OSGIN2: variants seen among roughly 807,000 people sequenced by gnomAD.
OSGIN2 encodes the protein oxidative stress induced growth inhibitor family member 2.
OSGIN2 carries 19 observed loss-of-function variants against 53.8 expected under a neutral mutation model. That is an observed-to-expected ratio of 0.35 (90% CI 0.25 to 0.52). The LOEUF (loss-of-function observed/expected upper bound fraction) is 0.52. Ranked by LOEUF, OSGIN2 falls within the 20% of genes least tolerant of loss-of-function variation. The pLI, the probability that OSGIN2 is intolerant of heterozygous loss-of-function variation, is 0.95. For missense variants in OSGIN2, 520 were observed against 662.7 expected (o/e 0.78, Z 2.36); for synonymous variants, 236 against 236.0 (o/e 1.00, Z 0.00).
At chr8:89,908,930 G>C (rs988597435) in intron 1 of OSGIN2, among the ~76,000 whole-genome samples, 1 of 146,150 alleles carries the variant, frequency 6.8e-6, no homozygotes, top group Admixed American at 6.9e-5. Context: ...AGGATGACAT[G>C]AGCCCGGGAG....
chr8:89,906,738 T>C (rs763689936), intron 1 of OSGIN2, among the ~76,000 whole-genome samples: 3 of 152,190 alleles, frequency 2.0e-5, no homozygotes, highest in Non-Finnish European at 4.4e-5. Flanking sequence ...CTGCAGTGAA[T>C]GTACACGTGC....
chr8:89,925,197 C>A lies in OSGIN2; in HGVS notation c.1315C>A (p.Gln439Lys). The A allele has an allele frequency of 6.2e-7, 1 of 1,614,080 alleles. No homozygotes were observed. The highest frequency in any genetic ancestry group is 8.5e-7 in the Non-Finnish European group (1 of 1,179,996). ...SFKSDMKCVL[Q>K]SVSGLKKIFK... ...TAAGTCGGACATGAAATGTGTTCTC[C>A]AAAGCGTTTCTGGATTGAAGAAAAT... is the stretch of plus-strand genomic sequence containing the variant. Residue 439 changes from glutamine to lysine, a missense_variant, in exon 6 of 6, where the codon CAA becomes AAA. Gln to Lys is a moderately conservative substitution (Grantham distance 53, BLOSUM62 1). This residue lies in a region of OSGIN2 where 239 missense variants were observed against 328.3 expected (regional missense o/e 0.73). Coordinates refer to ENST00000451899, the MANE Select transcript of OSGIN2 (RefSeq NM_001126111.3).
Position 89,909,547 on chromosome 8 carries a change from C to A in OSGIN2, c.45-20C>A. 7.7e-7 allele frequency: 1 copy of A among 1,290,902 alleles called. No individual in the cohort carries two copies. The highest frequency in any genetic ancestry group is 1.1e-6 in the Non-Finnish European group (1 of 950,620). 80.0% of individuals were successfully genotyped at this position (1,290,902 alleles called of 1,614,324 possible). On this transcript the variant is annotated intron_variant, in intron 1 of 5. Coordinates refer to ENST00000451899, the MANE Select transcript of OSGIN2 (RefSeq NM_001126111.3). Reference sequence around the variant, plus strand: ...ATATTGACTATATCTCTTTTTATTCCCCCTTTTTTTTTTTTAAAGAAACTA... The same window carrying A: ...ATATTGACTATATCTCTTTTTATTCACCCTTTTTTTTTTTTAAAGAAACTA...
rs555567407 is a variant in OSGIN2, at chr8:89,927,869, T to C, written c.*2337T>C. On this transcript the variant is annotated 3_prime_UTR_variant, in exon 6 of 6. Coordinates refer to ENST00000451899, the MANE Select transcript of OSGIN2 (RefSeq NM_001126111.3). ...TTTCTAAATAAATTCAACTATTAAATAAATGCAAGTTCCACTAAATCTTAG... is the reference window on the plus strand; with the variant it reads ...TTTCTAAATAAATTCAACTATTAAACAAATGCAAGTTCCACTAAATCTTAG... 1 of 152,182 alleles carries C rather than the reference T, an allele frequency of 6.6e-6. No homozygotes were observed. Among genetic ancestry groups the C allele is most frequent in the Non-Finnish European group, 1.5e-5 (1 of 68,012 alleles). 9.4% of individuals were successfully genotyped at this position (152,182 alleles called of 1,614,324 possible).
rs772162941 is a variant in OSGIN2, at chr8:89,924,707, C to T, written c.825C>T (p.Ile275=). The T allele has an allele frequency of 1.8e-5, 29 of 1,613,932 alleles. No individual in the cohort carries two copies. The highest frequency in any genetic ancestry group is 2.3e-5 in the Non-Finnish European group (27 of 1,179,914). Residue 275 remains isoleucine, a synonymous_variant, in exon 6 of 6, where the codon ATC becomes ATT. Transcript: ENST00000451899. ...KHLQIEKSNF[I]KRNWEIRGYQ... ...TACAGATAGAGAAGTCAAACTTTAT[C>T]AAGAGAAACTGGGAAATTAGGGGTT...
At chr8:89,911,431 A>C (rs1048614858) in intron 2 of OSGIN2, among the ~76,000 whole-genome samples, 11 of 152,028 alleles carry the variant, frequency 7.2e-5, no homozygotes, top group African/African-American at 2.4e-4. Context: ...GGAGTTCGAG[A>C]CCAGCCTGGC....
At chr8:89,922,471 A>G (rs866214323) in intron 5 of OSGIN2, among the ~76,000 whole-genome samples, 1 of 152,202 alleles carries the variant, frequency 6.6e-6, no homozygotes, top group South Asian at 2.1e-4. Flanking sequence ...AGAAAGAGAA[A>G]GCTTTATGAT....
At chr8:89,908,418 T>C (rs1400891936) in intron 1 of OSGIN2, among the ~76,000 whole-genome samples, 3 of 152,176 alleles carry the variant, frequency 2.0e-5, no homozygotes, top group African/African-American at 7.2e-5. Context: ...CTGGGAACTC[T>C]GAAGGTTATA....
At position 89,927,602 on chromosome 8, in the gene OSGIN2, C is replaced by G. The variant is rs1038257555; in HGVS notation, c.*2070C>G. The G allele has an allele frequency of 6.6e-6, 1 of 152,168 alleles. No individual in the cohort carries two copies. The highest frequency in any genetic ancestry group is 1.5e-5 in the Non-Finnish European group (1 of 68,030). 9.4% of individuals were successfully genotyped at this position (152,168 alleles called of 1,614,324 possible). A position where few individuals can be genotyped will look rare whatever the true frequency, so the allele number is the denominator to read the frequency against. On this transcript the variant is annotated 3_prime_UTR_variant, in exon 6 of 6. Coordinates refer to ENST00000451899, the MANE Select transcript of OSGIN2 (RefSeq NM_001126111.3). Reference sequence around the variant, plus strand: ...ATGTGAGCATCTCCTCCTTATCCCTCGATGCCTGGCTTGGTGTCTGGCAAA... The same window carrying G: ...ATGTGAGCATCTCCTCCTTATCCCTGGATGCCTGGCTTGGTGTCTGGCAAA...
Position 89,903,944 on chromosome 8 carries a change from C to T in OSGIN2, c.44+1107C>T, listed in dbSNP as rs536061494. ...TGTAAATCCTGTGTATATTTAAGAA[C>T]AGTATTCAGAGAAGAGGTTAAGAAG... On this transcript the variant is annotated intron_variant, in intron 1 of 5. Transcript: ENST00000451899. 2.8e-4 allele frequency among the ~76,000 whole-genome samples: 42 copies of T among 152,162 alleles called. 1 individual carries two copies. Among genetic ancestry groups the T allele is most frequent in the Admixed American group, 2.6e-3 (39 of 15,292 alleles).
At chr8:89,918,716 TATC>T (rs1422230360) in intron 4 of OSGIN2, among the ~76,000 whole-genome samples, 3 of 152,202 alleles carry the variant, frequency 2.0e-5, no homozygotes, top group Non-Finnish European at 4.4e-5. Flanking sequence ...TAACTATCTT[TATC>T]ATCAAGTCCC....
intron 4 of OSGIN2, among the ~76,000 whole-genome samples, chr8:89,918,301 T>TTTG (rs916716686): frequency 1.3e-5 from 2 of 152,120 alleles, no homozygotes; most frequent in Non-Finnish European, 2.9e-5. Context: ...TCTTGTCTTT[T>TTTG]TTGTTGTTGT....
chr8:89,921,235 C>A lies in OSGIN2; in HGVS notation c.620+64C>A. ...TGAAAAAGAGAATGTGGAAAAATTT[C>A]AAAATATTTGTGATTTTGTCATGGC... On this transcript the variant is annotated intron_variant, in intron 5 of 5. Coordinates refer to ENST00000451899, the MANE Select transcript of OSGIN2 (RefSeq NM_001126111.3). The A allele has an allele frequency of 3.2e-6, 3 of 931,252 alleles. No homozygotes were observed. The South Asian group carries it at 4.6e-5, about 14-fold the overall frequency. The allele number at this position is 931,252 out of a possible 1,614,324, so 57.7% of individuals were successfully genotyped here.
chr8:89,922,125 C>T (rs1384386751), intron 5 of OSGIN2, among the ~76,000 whole-genome samples: 1 of 152,184 alleles, frequency 6.6e-6, no homozygotes, highest in Admixed American at 6.5e-5. Context: ...ATTACTAATA[C>T]AGAGAATCTA....
chr8:89,925,652 T>C lies in OSGIN2; in HGVS notation c.*120T>C, dbSNP rs562216055. 44 of 681,296 alleles carry C rather than the reference T, an allele frequency of 6.5e-5. 1 individual carries two copies. The highest frequency in any genetic ancestry group is 1.5e-4 in the South Asian group (7 of 46,718). 42.2% of individuals were successfully genotyped at this position (681,296 alleles called of 1,614,324 possible). A position where few individuals can be genotyped will look rare whatever the true frequency, so the allele number is the denominator to read the frequency against. On this transcript the variant is annotated 3_prime_UTR_variant, in exon 6 of 6. Coordinates refer to ENST00000451899, the MANE Select transcript of OSGIN2 (RefSeq NM_001126111.3). ...TTAACTGAAGGAGAGCCTCAAACTATAGTAACTTCATTTTTAAAAGTTACT... is the reference window on the plus strand; with the variant it reads ...TTAACTGAAGGAGAGCCTCAAACTACAGTAACTTCATTTTTAAAAGTTACT...
In OSGIN2 at chr8:89,902,628, C is replaced by G. The variant is rs1422392183; in HGVS notation, c.-166C>G. On this transcript the variant is annotated 5_prime_UTR_variant, in exon 1 of 6. Transcript: ENST00000451899. ...GAAGCCGCTATCTGGAGGCGGACTC[C>G]GGCGCCACAGAGCCGGGGCAGCCGC... 4 of 159,236 alleles carry G rather than the reference C, an allele frequency of 2.5e-5. No homozygotes were observed. Among genetic ancestry groups the G allele is most frequent in the African/African-American group, 7.2e-5 (3 of 41,450 alleles). The allele number at this position is 159,236 out of a possible 1,614,324, so 9.9% of individuals were successfully genotyped here. A position where few individuals can be genotyped will look rare whatever the true frequency, so the allele number is the denominator to read the frequency against.
chr8:89,916,802 C>T (rs1326427608), intron 4 of OSGIN2, among the ~76,000 whole-genome samples: 1 of 152,184 alleles, frequency 6.6e-6, no homozygotes, highest in African/African-American at 2.4e-5. Context: ...AAAGCTTACT[C>T]TTTCCTAAAG....
chr8:89,904,039 C>G (rs1332290843), intron 1 of OSGIN2, among the ~76,000 whole-genome samples: 2 of 152,168 alleles, frequency 1.3e-5, no homozygotes, highest in Non-Finnish European at 2.9e-5. Context: ...CAGCGATAAT[C>G]CAAGCTTGTC....
chr8:89,921,391 T>C, intron 5 of OSGIN2: 1 of 409,352 alleles, frequency 2.4e-6, no homozygotes. Flanking sequence ...ATTGGTTTCC[T>C]GTGACTTTTG....
Sources: gnomAD v4.1 joint callset for allele counts (sites outside exome capture counted in the v4.1 genomes callset) on GRCh38, gnomAD v4.1.1 for gene constraint, gnomAD v4.1.1 regional missense constraint, MANE v1.5 for transcripts, NCBI Gene and HGNC (gene_info 2026-07-23, HGNC 2026-07-21) for gene names.